Variants in NEBL observed in about 807,000 individuals in gnomAD.
NEBL encodes the protein nebulette, also known as LIM and SH3 protein 2.
Under a neutral mutation model 140.2 loss-of-function variants are expected in NEBL, and 122 were observed. That is an observed-to-expected ratio of 0.87 (90% CI 0.75 to 1.01). The LOEUF is 1.01. Among genes scored for constraint, NEBL ranks in the 50% least tolerant of loss-of-function variants. NEBL has a pLI of 0.00. For synonymous variants in NEBL, 436 were observed against 398.9 expected, an observed-to-expected ratio of 1.09 and a Z score of -1.11; for missense variants, 1,365 against 1,231.3, an observed-to-expected ratio of 1.11 and a Z score of -1.62.
chr10:20,982,176 T>C (rs1397824668), intron 3 of NEBL, among the ~76,000 whole-genome samples: 1 of 152,204 alleles, frequency 6.6e-6, no homozygotes, highest in Non-Finnish European at 1.5e-5. Flanking sequence ...AAAAATCATT[T>C]GCATATGGTT....
intron 7 of NEBL, chr10:20,868,310 CTGTGTGTGTGTGTG>C (rs3085048): frequency 6.5e-6 from 1 of 155,036 alleles, no homozygotes; most frequent in African/African-American, 2.5e-5. Context: ...AAGTTAAAAA[CTGTGTGTGTGTGTG>C]TGTGTGTGTG....
intron 1 of NEBL, among the ~76,000 whole-genome samples, chr10:21,268,478 A>G (rs1035623961): frequency 6.6e-6 from 1 of 152,050 alleles, no homozygotes; most frequent in African/African-American, 2.4e-5. Context: ...GCAAGGCTCT[A>G]TCTCTAAAGA....
At position 21,112,040 on chromosome 10, in the gene NEBL, A is replaced by G. The variant is rs180675660; in HGVS notation, c.164+60343T>C. ...AAATGCAAATCAAAACCACAATGAG[A>G]TACCATCTCACGCCAGTTAGAATGG... On this transcript the variant is annotated intron_variant, in intron 2 of 6. Coordinates refer to the NEBL transcript ENST00000417816. Among the ~76,000 whole-genome samples the G allele has an allele frequency of 2.4e-3, 357 of 151,060 alleles. 1 individual carries two copies. Among genetic ancestry groups the G allele is most frequent in the African/African-American group, 7.8e-3 (316 of 40,356 alleles).
At chr10:20,940,024 A>C (rs1834762804) in intron 4 of NEBL, among the ~76,000 whole-genome samples, 1 of 150,556 alleles carries the variant, frequency 6.6e-6, no homozygotes, top group South Asian at 2.1e-4. Context: ...TAGACAGATC[A>C]ACGAGACAGA....
Position 20,828,346 on chromosome 10 carries a change from AT to A in NEBL, c.1776+183del, listed in dbSNP as rs560361369. The stretch of plus-strand genomic sequence containing the variant: ...ATTTTGAATTTGTAATTCCAAAAAA[AT>A]AATGAAAAATGATAATTTGTAAAAA... On this transcript the variant is annotated intron_variant, in intron 17 of 27. Transcript: ENST00000377122. 1.6e-3 allele frequency among the ~76,000 whole-genome samples: 243 copies of A among 152,292 alleles called. 1 individual carries two copies. The highest frequency in any genetic ancestry group is 6.8e-3 in the Middle Eastern group (2 of 294).
chr10:20,884,267 G>A (rs1254731414), intron 4 of NEBL, among the ~76,000 whole-genome samples: 1 of 151,826 alleles, frequency 6.6e-6, no homozygotes, highest in African/African-American at 2.4e-5. Flanking sequence ...TTTAGAGATG[G>A]AGTCTCACTA....
intron 11 of NEBL, among the ~76,000 whole-genome samples, chr10:20,848,650 G>A (rs1588784120): frequency 2.0e-5 from 3 of 152,120 alleles, no homozygotes; most frequent in Admixed American, 6.5e-5. Context: ...TCTAGGCTGT[G>A]CACTCCTTAT....
chr10:21,125,223 CAT>C (rs72062179), intron 2 of NEBL, among the ~76,000 whole-genome samples: 4,643 of 148,952 alleles, frequency 0.031, 242 homozygotes, highest in African/African-American at 0.11. Flanking sequence ...TGCACACATG[CAT>C]ATACACACAC....
chr10:21,277,240 G>A (rs113176464), intron 1 of NEBL, among the ~76,000 whole-genome samples: 12 of 136,168 alleles, frequency 8.8e-5, no homozygotes, highest in Admixed American at 5.7e-4. Flanking sequence ...ACGGAGTCTC[G>A]CTCTGTCGCC....
chr10:21,216,718 C>A (rs999511332), intron 3 of NEBL, among the ~76,000 whole-genome samples: 5 of 151,568 alleles, frequency 3.3e-5, no homozygotes, highest in African/African-American at 1.2e-4. Context: ...TTGTGGTGAG[C>A]CGAGATCGCA....
chr10:21,203,384 G>A (rs1756511837), intron 3 of NEBL, among the ~76,000 whole-genome samples: 1 of 152,196 alleles, frequency 6.6e-6, no homozygotes, highest in African/African-American at 2.4e-5. Context: ...GTGTAAAAAA[G>A]ACTGAGAAAT....
chr10:20,982,581 G>A (rs897649518), intron 3 of NEBL, among the ~76,000 whole-genome samples: 2 of 152,116 alleles, frequency 1.3e-5, no homozygotes, highest in Admixed American at 6.6e-5. Context: ...CTATATTTCT[G>A]TTGAAAAGAT....
At chr10:21,199,044 C>A (rs1367921243) in intron 3 of NEBL, among the ~76,000 whole-genome samples, 2 of 151,516 alleles carry the variant, frequency 1.3e-5, no homozygotes, top group East Asian at 2.0e-4. Flanking sequence ...CCAGCCTGCA[C>A]AACAGGGTCT....
chr10:21,245,693 G>A (rs528710045), intron 3 of NEBL, among the ~76,000 whole-genome samples: 29 of 151,864 alleles, frequency 1.9e-4, no homozygotes, highest in African/African-American at 6.8e-4. Flanking sequence ...CACCATGCCC[G>A]GCTAATTTTT....
intron 4 of NEBL, among the ~76,000 whole-genome samples, chr10:20,930,384 C>G (rs1834125295): frequency 6.6e-6 from 1 of 152,166 alleles, no homozygotes; most frequent in Non-Finnish European, 1.5e-5. Context: ...TAGTCCAAAC[C>G]ACCCTATCTC....
chr10:21,004,749 C>T (rs905651407), intron 3 of NEBL, among the ~76,000 whole-genome samples: 1 of 151,946 alleles, frequency 6.6e-6, no homozygotes, highest in Non-Finnish European at 1.5e-5. Context: ...GGAGAATTAA[C>T]AATGCAGATT....
intron 3 of NEBL, among the ~76,000 whole-genome samples, chr10:21,011,966 A>G (rs1331342092): frequency 6.6e-6 from 1 of 152,146 alleles, no homozygotes; most frequent in East Asian, 1.9e-4. Flanking sequence ...TGCAACCCAC[A>G]TTCTTACTTT....
chr10:21,102,698 A>C (rs1200933401), intron 2 of NEBL, among the ~76,000 whole-genome samples: 1 of 152,190 alleles, frequency 6.6e-6, no homozygotes, highest in African/African-American at 2.4e-5. Flanking sequence ...GAGTATAACA[A>C]AATTTAACCA....
intron 1 of NEBL, among the ~76,000 whole-genome samples, chr10:21,277,160 C>G (rs565619889): frequency 6.6e-6 from 1 of 151,282 alleles, no homozygotes; most frequent in African/African-American, 2.4e-5. Flanking sequence ...CACGATTGCT[C>G]ATGCCTGCAG....
Sources: allele counts gnomAD v4.1 joint callset (sites outside exome capture counted in the v4.1 genomes callset), GRCh38; gene constraint gnomAD v4.1.1; transcripts MANE v1.5; gene names NCBI Gene and HGNC (gene_info 2026-07-23, HGNC 2026-07-21).